NRXN2: variants seen among roughly 807,000 people sequenced by gnomAD.
NRXN2 encodes the protein neurexin-2-beta.
A neutral mutation model predicts 128.8 loss-of-function variants in NRXN2; 29 were observed. That is an observed-to-expected ratio of 0.23 (90% CI 0.17 to 0.31). The LOEUF (loss-of-function observed/expected upper bound fraction) is 0.31, where lower values mean the gene tolerates loss of function less well. Among genes scored for constraint, NRXN2 ranks in the 10% least tolerant of loss-of-function variants. The probability of loss-of-function intolerance (pLI) is 1.00; values close to 1 mark genes in which losing one functional copy is unlikely to be tolerated. For missense variants in NRXN2, 1,881 were observed against 2,452.6 expected (o/e 0.77, Z 4.92); for synonymous variants, 1,098 against 1,075.2 (o/e 1.02, Z -0.41).
intron 17 of NRXN2, among the ~76,000 whole-genome samples, chr11:64,636,785 C>T (rs2044782738): frequency 6.6e-6 from 1 of 152,006 alleles, no homozygotes; most frequent in African/African-American, 2.4e-5. Flanking sequence ...GCAGGCCTTG[C>T]CAGCAGCCAA....
intron 2 of NRXN2, among the ~76,000 whole-genome samples, chr11:64,711,184 T>G (rs1362212533): frequency 6.6e-6 from 1 of 152,138 alleles, no homozygotes; most frequent in Admixed American, 6.5e-5. Context: ...AGGACACCTA[T>G]CCCCAAAGCA....
chr11:64,665,508 G>GT (rs2049719446), intron 9 of NRXN2, among the ~76,000 whole-genome samples: 1 of 152,214 alleles, frequency 6.6e-6, no homozygotes, highest in Non-Finnish European at 1.5e-5. Flanking sequence ...TAGAAACCCT[G>GT]TGGGGCAGAG....
intron 9 of NRXN2, among the ~76,000 whole-genome samples, chr11:64,661,800 C>T (rs2049068198): frequency 6.6e-6 from 1 of 152,180 alleles, no homozygotes; most frequent in African/African-American, 2.4e-5. Context: ...GTCCCAGCAG[C>T]AAGAACTCAG....
At position 64,651,836 on chromosome 11, in the gene NRXN2, G is replaced by T. The variant is rs1180808030; in HGVS notation, c.2536+199C>A. ...GTCAAGAGCCAACAGGCTGCCAGGGGAATGCTGCCTACAGGGAGTTGAAAT... is the reference window on the plus strand; with the variant it reads ...GTCAAGAGCCAACAGGCTGCCAGGGTAATGCTGCCTACAGGGAGTTGAAAT... On this transcript the variant is annotated intron_variant, in intron 13 of 22. Transcript: ENST00000265459. The surrounding 1 kb of genome is among the most constrained non-coding windows in gnomAD (Gnocchi z 5.9). Among the ~76,000 whole-genome samples the T allele has an allele frequency of 6.6e-6, 1 of 152,172 alleles. No individual in the cohort carries two copies. The highest frequency in any genetic ancestry group is 1.5e-5 in the Non-Finnish European group (1 of 68,026).
chr11:64,707,384 CAAA>C (rs1056912729), intron 2 of NRXN2, among the ~76,000 whole-genome samples: 3 of 78,898 alleles, frequency 3.8e-5, no homozygotes, highest in African/African-American at 9.9e-5. Flanking sequence ...GACTCCGTCT[CAAA>C]AAAAAAAAAA....
chr11:64,640,832 T>C (rs1054080009), intron 17 of NRXN2, among the ~76,000 whole-genome samples: 2 of 151,462 alleles, frequency 1.3e-5, no homozygotes, highest in African/African-American at 4.9e-5. Flanking sequence ...AGCAGAAAGA[T>C]TGGAGGTGAT....
chr11:64,701,959 G>T (rs1247694625), intron 2 of NRXN2, among the ~76,000 whole-genome samples: 1 of 143,448 alleles, frequency 7.0e-6, no homozygotes, highest in Non-Finnish European at 1.5e-5. Flanking sequence ...AGGTGGGGGG[G>T]TCAGCCCCCC....
chr11:64,624,847 A>AC (rs1398428198), intron 20 of NRXN2, among the ~76,000 whole-genome samples: 1 of 152,148 alleles, frequency 6.6e-6, no homozygotes, highest in African/African-American at 2.4e-5. Flanking sequence ...TTGAGCACCT[A>AC]CCATAGTCAG....
chr11:64,709,986 C>A (rs2056738823), intron 2 of NRXN2, among the ~76,000 whole-genome samples: 2 of 151,188 alleles, frequency 1.3e-5, no homozygotes, highest in African/African-American at 2.4e-5. Flanking sequence ...CAGCTCACTG[C>A]AACCTACACC....
In NRXN2 at chr11:64,721,098, G is replaced by A. The variant is rs534116358; in HGVS notation, c.-245+1873C>T. 5.5e-3 allele frequency among the ~76,000 whole-genome samples: 839 copies of A among 152,034 alleles called. 9 individuals carry two copies. The highest frequency in any genetic ancestry group is 0.019 in the African/African-American group (794 of 41,416). ...AGGTGGCAGCCTCTCTGGGTGGGGA[G>A]TGTGGGCTGTATGCTGCCAGGAGGT... is the stretch of plus-strand genomic sequence containing the variant. On this transcript the variant is annotated intron_variant, in intron 1 of 22. Transcript: ENST00000265459.
intron 6 of NRXN2, among the ~76,000 whole-genome samples, chr11:64,684,152 G>A (rs2052689688): frequency 6.6e-6 from 1 of 152,104 alleles, no homozygotes; most frequent in African/African-American, 2.4e-5. Context: ...GCATGGATAG[G>A]AACTCTGAAC....
chr11:64,700,794 G>T (rs2055233851), intron 2 of NRXN2, among the ~76,000 whole-genome samples: 1 of 152,110 alleles, frequency 6.6e-6, no homozygotes, highest in Non-Finnish European at 1.5e-5. Context: ...CTGTGCTCTT[G>T]ACCTATGTAC....
rs376330514 is a variant in NRXN2, at chr11:64,652,323, T to C, written c.2417-169A>G. On this transcript the variant is annotated intron_variant, in intron 12 of 22. Transcript: ENST00000265459. ...CACGCAACACACCCATGAATACAAG[T>C]ACACACACTTATAGCCTCCCATCAC... Among the ~76,000 whole-genome samples the C allele has an allele frequency of 1.7e-4, 26 of 152,142 alleles. No individual in the cohort carries two copies. In the South Asian group the frequency reaches 5.0e-3, roughly 29 times the overall value.
intron 14 of NRXN2, 37 bp from the exon 15 acceptor site, chr11:64,650,675 G>C (rs377069289): frequency 6.3e-7 from 1 of 1,597,254 alleles, no homozygotes; most frequent in African/African-American, 1.3e-5. Flanking sequence ...GGGTCAGGGC[G>C]GGGGTGATGC....
intron 12 of NRXN2, among the ~76,000 whole-genome samples, chr11:64,652,701 G>A (rs1261005125): frequency 6.6e-6 from 1 of 152,102 alleles, no homozygotes; most frequent in Non-Finnish European, 1.5e-5. Context: ...GGGACCCGAT[G>A]GGACCTTTCT....
chr11:64,692,949 CAAAG>C, intron 3 of NRXN2, 73 bp from the exon 4 acceptor site: 1 of 1,299,636 alleles, frequency 7.7e-7, no homozygotes, highest in Non-Finnish European at 1.1e-6. Flanking sequence ...GGGAAAGAAA[CAAAG>C]AAAACACGAG....
intron 2 of NRXN2, among the ~76,000 whole-genome samples, chr11:64,711,633 C>G (rs1440941452): frequency 6.6e-6 from 1 of 152,108 alleles, no homozygotes; most frequent in East Asian, 1.9e-4. Flanking sequence ...GAGCCTCTCT[C>G]CCAAGCGCCA....
At position 64,651,386 on chromosome 11, in the gene NRXN2, C is replaced by T; in HGVS notation, c.2787G>A (p.Leu929=). The change falls in exon 14 of 23, where the codon CTG becomes CTA. Residue 929 remains leucine (L), a synonymous_variant. Coordinates refer to ENST00000265459, the MANE Select transcript of NRXN2 (RefSeq NM_015080.4). The surrounding 1 kb of genome is among the most constrained non-coding windows in gnomAD (Gnocchi z 5.9). ...PVTFKSRSSY[L]ALATLQAYAS... is the part of the protein sequence containing the mutation. The stretch of plus-strand genomic sequence containing the variant: ...CATAGGCTTGGAGCGTGGCGAGTGC[C>T]AGGTAGCTGCTGCGACTCTTGAAGG... The T allele has an allele frequency of 6.2e-7, 1 of 1,614,182 alleles. No individual in the cohort carries two copies. The highest frequency in any genetic ancestry group is 8.5e-7 in the Non-Finnish European group (1 of 1,180,022).
chr11:64,668,332 C>T, intron 8 of NRXN2, 111 bp downstream of exon 8: 2 of 1,395,384 alleles, frequency 1.4e-6, no homozygotes, highest in Non-Finnish European at 2.0e-6. Flanking sequence ...CCACCATGGA[C>T]TTGGAAGGAA....
Sources: allele counts gnomAD v4.1 joint callset (sites outside exome capture counted in the v4.1 genomes callset), GRCh38; gene constraint gnomAD v4.1.1; non-coding constraint Gnocchi (gnomAD v3.1); transcripts MANE v1.5; gene names NCBI Gene and HGNC (gene_info 2026-07-23, HGNC 2026-07-21).